Variants in IFRD1 observed in about 807,000 individuals in gnomAD.
IFRD1 encodes the protein interferon-related developmental regulator 1.
In IFRD1, 35 loss-of-function variants were observed where a neutral mutation model predicts 52.9. The observed-to-expected ratio is 0.66, with a 90% CI of 0.51 to 0.88. IFRD1 has a LOEUF of 0.88. IFRD1 is among the 40% of genes least tolerant of loss of function. IFRD1 has a pLI of 0.00. For missense variants in IFRD1, 517 were observed against 550.8 expected (o/e 0.94, Z 0.61); for synonymous variants, 184 against 188.4 (o/e 0.98, Z 0.19).
upstream of IFRD1, chr7:112,446,367 A>G (rs560833765): frequency 1.1e-4 from 20 of 177,546 alleles, no homozygotes; most frequent in Admixed American, 2.8e-4. Flanking sequence ...TCTTCTCAGG[A>G]GTGGTGTAAA....
intron 4 of IFRD1, 43 bp from the exon 5 acceptor site, chr7:112,458,818 T>C (rs749863190): frequency 6.3e-7 from 1 of 1,583,354 alleles, no homozygotes; most frequent in East Asian, 2.2e-5. Flanking sequence ...TAAGTTAGTC[T>C]ACTGAAAAGA....
chr7:112,466,212 CTTTT>C (rs943678115), intron 8 of IFRD1, among the ~76,000 whole-genome samples: 1 of 151,846 alleles, frequency 6.6e-6, no homozygotes, highest in Non-Finnish European at 1.5e-5. Flanking sequence ...TGTTTATGGA[CTTTT>C]TTATTACGTG....
chr7:112,466,285 C>T (rs141499996), intron 8 of IFRD1, among the ~76,000 whole-genome samples: 12 of 151,918 alleles, frequency 7.9e-5, no homozygotes, highest in African/African-American at 2.9e-4. Flanking sequence ...TATATAGAGT[C>T]TTTTTTCTAA....
intron 1 of IFRD1, among the ~76,000 whole-genome samples, chr7:112,455,331 A>G (rs1011177463): frequency 2.0e-5 from 3 of 152,030 alleles, no homozygotes; most frequent in Non-Finnish European, 4.4e-5. Context: ...AAAATACACA[A>G]AAAATTTGTC....
At chr7:112,425,915 C>T (rs35370454) in intron 1 of IFRD1, among the ~76,000 whole-genome samples, 2,556 of 152,306 alleles carry the variant, frequency 0.017, 25 homozygotes, top group Non-Finnish European at 0.026. Flanking sequence ...TTCATCTTCA[C>T]TTGTTCGCTG....
At position 112,462,083 on chromosome 7, in the gene IFRD1, G is replaced by A. The variant is rs530418164; in HGVS notation, c.701G>A (p.Ser234Asn). The A allele has an allele frequency of 7.4e-6, 12 of 1,613,086 alleles. No homozygotes were observed. The East Asian group carries it at 1.1e-4, about 15-fold the overall frequency. The change falls in exon 7 of 12, where the codon AGC becomes AAC. Residue 234 changes from serine to asparagine, a missense_variant. By Grantham distance (46) the Ser-to-Asn change is conservative. Coordinates refer to ENST00000403825, the MANE Select transcript of IFRD1 (RefSeq NM_001550.4). ...GAGAAAGACACTACTGTTATTTGCA[G>A]CACTCCTAATACAGTGCTTCATATC... ...LKEKDTTVIC[S>N]TPNTVLHISS...
chr7:112,472,393 G>A (rs1187983319), intron 10 of IFRD1, 46 bp downstream of exon 10: 1 of 1,604,844 alleles, frequency 6.2e-7, no homozygotes, highest in Non-Finnish European at 8.5e-7. Flanking sequence ...GTAGGGAGCA[G>A]TCTTGAATAT....
chr7:112,458,454 G>A (rs548027230), intron 4 of IFRD1: 29 of 238,958 alleles, frequency 1.2e-4, no homozygotes, highest in South Asian at 1.2e-3. Flanking sequence ...GTGTACATCC[G>A]AAATGCTTAG....
upstream of IFRD1, chr7:112,450,405 G>A (rs911306140): frequency 8.3e-6 from 4 of 483,426 alleles, no homozygotes; most frequent in Admixed American, 6.7e-5. Flanking sequence ...CCCGCCCACA[G>A]AGTGACGTCA....
At chr7:112,461,058 T>A (rs1795420683) in intron 5 of IFRD1, among the ~76,000 whole-genome samples, 1 of 152,204 alleles carries the variant, frequency 6.6e-6, no homozygotes, top group African/African-American at 2.4e-5. Context: ...AATCATATAC[T>A]ATACTCACTT....
intron 8 of IFRD1, 154 bp from the exon 9 acceptor site, chr7:112,467,827 T>A: frequency 1.4e-6 from 1 of 721,686 alleles, no homozygotes; most frequent in South Asian, 1.6e-5. Flanking sequence ...TGAAAACATG[T>A]GTTTATGTGT....
At chr7:112,430,808 A>G (rs1794530629) in intron 1 of IFRD1, among the ~76,000 whole-genome samples, 1 of 151,948 alleles carries the variant, frequency 6.6e-6, no homozygotes. Context: ...GCAGTTTGCT[A>G]CTCCGCCAGA....
intron 9 of IFRD1, among the ~76,000 whole-genome samples, chr7:112,468,786 C>T (rs941662787): frequency 3.3e-5 from 5 of 152,194 alleles, no homozygotes; most frequent in African/African-American, 9.7e-5. Flanking sequence ...GCGTGAGCCA[C>T]CGTGCCAGAG....
At chr7:112,436,366 G>C (rs1212758820) in intron 1 of IFRD1, among the ~76,000 whole-genome samples, 2 of 152,122 alleles carry the variant, frequency 1.3e-5, no homozygotes, top group South Asian at 4.2e-4. Context: ...CAAGTATTTT[G>C]CTTCATTGAA....
intron 1 of IFRD1, among the ~76,000 whole-genome samples, chr7:112,444,723 CT>C (rs926998335): frequency 6.6e-6 from 1 of 152,106 alleles, no homozygotes; most frequent in African/African-American, 2.4e-5. Context: ...TTCAAGGGGC[CT>C]TTTCTCGCAG....
At chr7:112,433,307 G>C (rs1288234700) in intron 1 of IFRD1, among the ~76,000 whole-genome samples, 1 of 152,138 alleles carries the variant, frequency 6.6e-6, no homozygotes, top group Non-Finnish European at 1.5e-5. Context: ...TGTGCTGATT[G>C]GTGGGGTCAC....
intron 1 of IFRD1, among the ~76,000 whole-genome samples, chr7:112,432,167 T>C (rs774773447): frequency 2.6e-5 from 4 of 152,248 alleles, no homozygotes; most frequent in Non-Finnish European, 4.4e-5. Flanking sequence ...GTTTTGAGCA[T>C]CAAAAATCAG....
intron 1 of IFRD1, among the ~76,000 whole-genome samples, chr7:112,436,108 C>T (rs1465038554): frequency 1.3e-5 from 2 of 152,178 alleles, no homozygotes; most frequent in African/African-American, 2.4e-5. Flanking sequence ...GTCTCAAACT[C>T]CTGACCTCAG....
intron 1 of IFRD1, among the ~76,000 whole-genome samples, chr7:112,434,217 A>C (rs2117233051): frequency 6.6e-6 from 1 of 152,264 alleles, no homozygotes; most frequent in East Asian, 1.9e-4. Context: ...TCTCATTTTC[A>C]TTGAGGTCCC....
Sources: allele counts gnomAD v4.1 joint callset (sites outside exome capture counted in the v4.1 genomes callset), GRCh38; gene constraint gnomAD v4.1.1; transcripts MANE v1.5; gene names NCBI Gene and HGNC (gene_info 2026-07-23, HGNC 2026-07-21).